FMNL3: variants seen among roughly 807,000 people sequenced by gnomAD.
FMNL3 encodes formin-like protein 3.
Under a neutral mutation model 119.6 loss-of-function variants are expected in FMNL3, and 57 were observed. The ratio of observed to expected loss-of-function variants is 0.48; its 90% confidence interval spans 0.39 to 0.59. The LOEUF is 0.59. Among genes scored for constraint, FMNL3 ranks in the 20% least tolerant of loss-of-function variants. The pLI, the probability that FMNL3 is intolerant of heterozygous loss-of-function variation, is 0.00. For missense variants in FMNL3, 1,053 were observed against 1,323.5 expected (o/e 0.80, Z 3.17); for synonymous variants, 491 against 507.3 (o/e 0.97, Z 0.43).
In FMNL3 at chr12:49,642,173, C is replaced by G; in HGVS notation, c.*3642G>C. ...TAACTTTCCACCTCCTAAGGTATGC[C>G]TGAGTGGGACCTGGCATCCACCCTC... On this transcript the variant is annotated 3_prime_UTR_variant, in exon 26 of 26. Transcript: ENST00000335154. The surrounding 1 kb of genome is among the most constrained non-coding windows in gnomAD (Gnocchi z 5.8). 1 of 1,613,180 alleles carries G rather than the reference C, an allele frequency of 6.2e-7. No homozygotes were observed. The highest frequency in any genetic ancestry group is 8.5e-7 in the Non-Finnish European group (1 of 1,179,470).
At chr12:49,688,501 T>C (rs1223837302) in intron 1 of FMNL3, 2 of 456,100 alleles carry the variant, frequency 4.4e-6, no homozygotes, top group South Asian at 3.1e-5. Flanking sequence ...TCTGGCCTTC[T>C]TGCAGTTCCT....
chr12:49,693,525 G>A (rs1406557524), intron 1 of FMNL3, among the ~76,000 whole-genome samples: 1 of 150,298 alleles, frequency 6.7e-6, no homozygotes, highest in Non-Finnish European at 1.5e-5. Flanking sequence ...CTATAAGCAC[G>A]CACCACTACA....
At chr12:49,705,593 C>G (rs1381907915) in intron 1 of FMNL3, among the ~76,000 whole-genome samples, 1 of 152,224 alleles carries the variant, frequency 6.6e-6, no homozygotes, top group Non-Finnish European at 1.5e-5. Context: ...TTTTCCCCAA[C>G]AGTTGGGCTC....
Position 49,642,734 on chromosome 12 carries a change from A to G in FMNL3, c.*3081T>C. 2.6e-6 allele frequency: 4 copies of G among 1,558,000 alleles called. No homozygotes were observed. The South Asian group carries it at 3.5e-5, about 14-fold the overall frequency. ...GCCCTTGAACTCATTAGACCAGTTC[A>G]ACAGAGACCTCAGTGGCCTCCCTCT... is the stretch of plus-strand genomic sequence containing the variant. On this transcript the variant is annotated 3_prime_UTR_variant, in exon 26 of 26. Coordinates refer to ENST00000335154, the MANE Select transcript of FMNL3 (RefSeq NM_175736.5). This position sits in a 1 kb window ranked among gnomAD's most constrained non-coding sequence, Gnocchi z 5.8.
At chr12:49,706,629 G>A (rs1945055148) in intron 1 of FMNL3, among the ~76,000 whole-genome samples, 2 of 152,192 alleles carry the variant, frequency 1.3e-5, no homozygotes, top group Non-Finnish European at 1.5e-5. Flanking sequence ...AGGAGAGGCG[G>A]TGTCCCCACT....
chr12:49,637,787 T>C lies in FMNL3; in HGVS notation c.*8028A>G, dbSNP rs1942054334. 1.2e-6 allele frequency: 2 copies of C among 1,612,568 alleles called. No individual in the cohort carries two copies. Among genetic ancestry groups the C allele is most frequent in the African/African-American group, 2.7e-5 (2 of 74,970 alleles). ...TATGTGGAGGAGTTGAAGGCACGAT[T>C]CCATGATGAAAAGAAGATCATTAAG... On this transcript the variant is annotated 3_prime_UTR_variant, in exon 26 of 26. Coordinates refer to ENST00000335154, the MANE Select transcript of FMNL3 (RefSeq NM_175736.5).
chr12:49,662,098 A>G, intron 4 of FMNL3, 49 bp from the exon 5 acceptor site: 2 of 1,570,596 alleles, frequency 1.3e-6, no homozygotes, highest in Non-Finnish European at 1.8e-6. Context: ...AAGTGGGTCA[A>G]GGATGAGGGG....
In FMNL3 at chr12:49,654,279, G is replaced by A; in HGVS notation, c.984C>T (p.Asn328=). Residue 328 remains asparagine (N), a synonymous_variant, in exon 11 of 26, where the codon AAC becomes AAT. Transcript: ENST00000335154. ...TGTCCTCCACCGAGTGCACCACGAT[G>A]TTGATGAACTGCATGCAGGCCACCT... ...DFMVACMQFI[N]IVVHSVEDMN... The A allele has an allele frequency of 6.2e-7, 1 of 1,614,046 alleles. No individual in the cohort carries two copies. The highest frequency in any genetic ancestry group is 1.1e-5 in the South Asian group (1 of 91,048).
chr12:49,659,377 T>C (rs1943668576), intron 5 of FMNL3, among the ~76,000 whole-genome samples: 1 of 152,138 alleles, frequency 6.6e-6, no homozygotes, highest in Admixed American at 6.5e-5. Flanking sequence ...TTTCTGCTCC[T>C]GGAACAGATG....
rs770771144 is a variant in FMNL3, at chr12:49,646,667, A to G, written c.2995+219T>C. 4 of 1,535,022 alleles carry G rather than the reference A, an allele frequency of 2.6e-6. No homozygotes were observed. The African/African-American group carries it at 5.5e-5, about 21-fold the overall frequency. On this transcript the variant is annotated intron_variant, in intron 25 of 25. Coordinates refer to ENST00000335154, the MANE Select transcript of FMNL3 (RefSeq NM_175736.5). ...TCGGGCCCCAACCTTGGGGGCTAAC[A>G]GTTTGACTCATCATGGTGGGCTGCA...
In FMNL3 at chr12:49,641,585, A is replaced by G. The variant is rs953961890; in HGVS notation, c.*4230T>C. On this transcript the variant is annotated 3_prime_UTR_variant, in exon 26 of 26. Coordinates refer to ENST00000335154, the MANE Select transcript of FMNL3 (RefSeq NM_175736.5). ...TTGAGAATGCATGGAAGCACTGCTG[A>G]GCAGCAGGAGGGCCCAGCTGGGGCC... is the stretch of plus-strand genomic sequence containing the variant. The G allele has an allele frequency of 1.8e-5, 6 of 335,652 alleles. No homozygotes were observed. The Admixed American group carries it at 2.2e-4, about 12-fold the overall frequency. 20.8% of individuals were successfully genotyped at this position (335,652 alleles called of 1,614,324 possible). A position where few individuals can be genotyped will look rare whatever the true frequency, so the allele number is the denominator to read the frequency against.
At chr12:49,676,680 A>G (rs547408234) in intron 1 of FMNL3, among the ~76,000 whole-genome samples, 1 of 152,196 alleles carries the variant, frequency 6.6e-6, no homozygotes, top group East Asian at 1.9e-4. Context: ...CCTACCACCA[A>G]GTCCCTTATT....
chr12:49,706,677 T>C (rs950603378), intron 1 of FMNL3, among the ~76,000 whole-genome samples: 2 of 152,122 alleles, frequency 1.3e-5, no homozygotes, highest in Non-Finnish European at 2.9e-5. Context: ...GCCGCGCTTC[T>C]GAATTCCCCC....
Position 49,678,920 on chromosome 12 carries a change from G to A in FMNL3, c.127-10366C>T, listed in dbSNP as rs534988187. On this transcript the variant is annotated intron_variant, in intron 1 of 25. Transcript: ENST00000335154. ...AGTCTGTAAGTGATTTACTACAAAG[G>A]CATGAAAGTATGTATAAGGAAATTA... 2.2e-4 allele frequency among the ~76,000 whole-genome samples: 33 copies of A among 152,214 alleles called. No individual in the cohort carries two copies. In the South Asian group the frequency reaches 6.8e-3, roughly 32 times the overall value.
intron 1 of FMNL3, among the ~76,000 whole-genome samples, chr12:49,693,318 G>T (rs1250596370): frequency 6.6e-6 from 1 of 152,080 alleles, no homozygotes; most frequent in Non-Finnish European, 1.5e-5. Flanking sequence ...AGAGAAAAGG[G>T]ACAGGCAGAT....
In FMNL3 at chr12:49,642,586, G is replaced by A. The variant is rs752368520; in HGVS notation, c.*3229C>T. 2.5e-6 allele frequency: 4 copies of A among 1,614,088 alleles called. No individual in the cohort carries two copies. The South Asian group carries it at 4.4e-5, about 18-fold the overall frequency. ...AGTGCTCTCCTCGTTCAAGGTCCGT[G>A]AGCGTTTTGTGTGTGACTCAGCCTT... On this transcript the variant is annotated 3_prime_UTR_variant, in exon 26 of 26. Coordinates refer to ENST00000335154, the MANE Select transcript of FMNL3 (RefSeq NM_175736.5). This position sits in a 1 kb window ranked among gnomAD's most constrained non-coding sequence, Gnocchi z 5.8.
intron 14 of FMNL3, 64 bp from the exon 15 acceptor site, chr12:49,651,514 C>T (rs1943400606): frequency 4.7e-6 from 6 of 1,273,584 alleles, no homozygotes; most frequent in African/African-American, 1.5e-5. Context: ...GCTTCCCTCC[C>T]CTCTGCCTGT....
In FMNL3 at chr12:49,642,398, C is replaced by T; in HGVS notation, c.*3417G>A. On this transcript the variant is annotated 3_prime_UTR_variant, in exon 26 of 26. Coordinates refer to ENST00000335154, the MANE Select transcript of FMNL3 (RefSeq NM_175736.5). The surrounding 1 kb of genome is among the most constrained non-coding windows in gnomAD (Gnocchi z 5.8). ...GTCAGGAGCGTAGCCTGGCCCCAAG[C>T]ACCCCTCAAGCCTGAGGGCAGCGGT... 9 of 1,611,866 alleles carry T rather than the reference C, an allele frequency of 5.6e-6. No individual in the cohort carries two copies. Among genetic ancestry groups the T allele is most frequent in the East Asian group, 2.2e-5 (1 of 44,826 alleles).
chr12:49,641,783 C>G lies in FMNL3; in HGVS notation c.*4032G>C. Reference sequence around the variant, plus strand: ...GGATAACTTGGTTTCTAATGCAGACCACAGTCCTGTGGATCTCTTCCAGAG... The same window carrying G: ...GGATAACTTGGTTTCTAATGCAGACGACAGTCCTGTGGATCTCTTCCAGAG... On this transcript the variant is annotated 3_prime_UTR_variant, in exon 26 of 26. Coordinates refer to ENST00000335154, the MANE Select transcript of FMNL3 (RefSeq NM_175736.5). 1 of 742,732 alleles carries G rather than the reference C, an allele frequency of 1.3e-6. No individual in the cohort carries two copies. The highest frequency in any genetic ancestry group is 2.3e-6 in the Non-Finnish European group (1 of 439,728). 46.0% of individuals were successfully genotyped at this position (742,732 alleles called of 1,614,324 possible). A position where few individuals can be genotyped will look rare whatever the true frequency, so the allele number is the denominator to read the frequency against.
Sources: gnomAD v4.1 joint callset for allele counts (sites outside exome capture counted in the v4.1 genomes callset) on GRCh38, gnomAD v4.1.1 for gene constraint, Gnocchi (gnomAD v3.1) non-coding constraint, MANE v1.5 for transcripts, NCBI Gene and HGNC (gene_info 2026-07-23, HGNC 2026-07-21) for gene names.